ZSWIM6: variants seen among roughly 807,000 people sequenced by gnomAD.
ZSWIM6 encodes zinc finger SWIM-type containing 6, also known as zinc finger SWIM domain-containing protein 6.
Under a neutral mutation model 113.2 loss-of-function variants are expected in ZSWIM6, and 9 were observed. The observed-to-expected ratio is 0.08, with a 90% CI of 0.05 to 0.14. The LOEUF (loss-of-function observed/expected upper bound fraction) is 0.14. ZSWIM6 is among the 10% of genes least tolerant of loss of function. ZSWIM6 has a pLI of 1.00. For synonymous variants in ZSWIM6, 611 were observed against 606.5 expected, an observed-to-expected ratio of 1.01 and a Z score of -0.11; for missense variants, 1,162 against 1,552.2, an observed-to-expected ratio of 0.75 and a Z score of 4.22.
At chr5:61,361,705 C>A (rs946832989) in intron 1 of ZSWIM6, among the ~76,000 whole-genome samples, 20 of 152,264 alleles carry the variant, frequency 1.3e-4, no homozygotes, top group African/African-American at 4.6e-4. Flanking sequence ...TGGCTTGTAA[C>A]GACAGGGGCT....
intron 1 of ZSWIM6, among the ~76,000 whole-genome samples, chr5:61,346,757 T>G (rs376682826): frequency 3.2e-4 from 48 of 152,330 alleles, no homozygotes; most frequent in African/African-American, 1.1e-3. Flanking sequence ...TGGATCTCCC[T>G]TAGCAACTTA....
At chr5:61,515,418 A>AG (rs1039972596) in intron 4 of ZSWIM6, among the ~76,000 whole-genome samples, 3 of 152,152 alleles carry the variant, frequency 2.0e-5, no homozygotes, top group African/African-American at 7.2e-5. Context: ...TACAGGCGTG[A>AG]GCCACTGCCT....
chr5:61,400,295 A>G (rs1745920361), intron 1 of ZSWIM6, among the ~76,000 whole-genome samples: 1 of 152,158 alleles, frequency 6.6e-6, no homozygotes, highest in Non-Finnish European at 1.5e-5. Context: ...TTATGCTGCA[A>G]AAGCTCTGTC....
chr5:61,491,550 A>G (rs1231524561), intron 3 of ZSWIM6, among the ~76,000 whole-genome samples: 1 of 152,108 alleles, frequency 6.6e-6, no homozygotes, highest in Admixed American at 6.6e-5. Context: ...TTAAAAATTG[A>G]TGGCTCAATA....
At position 61,435,272 on chromosome 5, in the gene ZSWIM6, G is replaced by A. The variant is rs577268728; in HGVS notation, c.677-37409G>A. 1.0e-3 allele frequency among the ~76,000 whole-genome samples: 155 copies of A among 152,260 alleles called. 1 individual carries two copies. The highest frequency in any genetic ancestry group is 3.6e-3 in the African/African-American group (149 of 41,558). On this transcript the variant is annotated intron_variant, in intron 1 of 13. Coordinates refer to ENST00000252744, the MANE Select transcript of ZSWIM6 (RefSeq NM_020928.2). ...ATGATATTTGTTTTTCCCTTGAAGA[G>A]TTTTCATTTAGCCAAATGGATTGAT...
At chr5:61,388,135 A>G (rs1745628372) in intron 1 of ZSWIM6, among the ~76,000 whole-genome samples, 1 of 151,562 alleles carries the variant, frequency 6.6e-6, no homozygotes, top group Non-Finnish European at 1.5e-5. Flanking sequence ...GACACCCACC[A>G]TGATGCCCAG....
At chr5:61,496,780 A>G (rs890435977) in intron 4 of ZSWIM6, among the ~76,000 whole-genome samples, 4 of 152,186 alleles carry the variant, frequency 2.6e-5, no homozygotes, top group Non-Finnish European at 4.4e-5. Context: ...TGGGGATTAC[A>G]TTTAAACTAA....
chr5:61,398,912 G>GTTTTTTTTT, intron 1 of ZSWIM6, among the ~76,000 whole-genome samples: 1 of 61,784 alleles, frequency 1.6e-5, no homozygotes, highest in South Asian at 7.4e-4. Context: ...GTGTATAGTT[G>GTTTTTTTTT]TTTTTTTTTT....
chr5:61,536,247 C>A (rs1180043144), intron 10 of ZSWIM6, among the ~76,000 whole-genome samples: 1 of 152,200 alleles, frequency 6.6e-6, no homozygotes, highest in Non-Finnish European at 1.5e-5. Context: ...TCTCTACCAC[C>A]CACCTTTTTA....
intron 1 of ZSWIM6, among the ~76,000 whole-genome samples, chr5:61,356,818 TAAA>T (rs1031947990): frequency 2.1e-5 from 3 of 142,886 alleles, no homozygotes; most frequent in African/African-American, 5.1e-5. Flanking sequence ...AATTGATAAA[TAAA>T]AAATATATAT....
intron 1 of ZSWIM6, among the ~76,000 whole-genome samples, chr5:61,333,393 C>T (rs2112015468): frequency 6.6e-6 from 1 of 152,012 alleles, no homozygotes; most frequent in East Asian, 2.0e-4. Context: ...CGCGGCCCGG[C>T]CGCTCGGCGC....
intron 1 of ZSWIM6, among the ~76,000 whole-genome samples, chr5:61,369,548 G>A (rs1460906965): frequency 1.3e-5 from 2 of 152,130 alleles, no homozygotes; most frequent in African/African-American, 4.8e-5. Context: ...TTTTGGTTTG[G>A]TGCTTTGGGT....
At chr5:61,432,059 A>T (rs1746595764) in intron 1 of ZSWIM6, among the ~76,000 whole-genome samples, 1 of 152,236 alleles carries the variant, frequency 6.6e-6, no homozygotes, top group African/African-American at 2.4e-5. Flanking sequence ...TGTTAATTTG[A>T]TGCTTTGAGG....
At chr5:61,538,496 C>T (rs190334703) in intron 10 of ZSWIM6, among the ~76,000 whole-genome samples, 19 of 152,108 alleles carry the variant, frequency 1.2e-4, no homozygotes, top group African/African-American at 2.9e-4. Flanking sequence ...AAAAGTTCTT[C>T]GGTGTTTGCG....
At chr5:61,410,375 T>C (rs1176288055) in intron 1 of ZSWIM6, among the ~76,000 whole-genome samples, 1 of 150,498 alleles carries the variant, frequency 6.6e-6, no homozygotes, top group Non-Finnish European at 1.5e-5. Flanking sequence ...AGTGGTGCGA[T>C]CTCGGCTCAC....
intron 1 of ZSWIM6, among the ~76,000 whole-genome samples, chr5:61,454,567 G>GTT (rs35249460): frequency 2.2e-4 from 28 of 128,226 alleles, no homozygotes; most frequent in Admixed American, 4.1e-4. Flanking sequence ...CTATCCCTAA[G>GTT]TTTTTTTTTT....
intron 12 of ZSWIM6, among the ~76,000 whole-genome samples, chr5:61,540,916 G>GTTTTTTTTTT (rs34749703): frequency 7.4e-5 from 7 of 94,534 alleles, no homozygotes; most frequent in Admixed American, 2.3e-4. Context: ...TATTTTGTGG[G>GTTTTTTTTTT]TTTTTTTTTT....
intron 1 of ZSWIM6, among the ~76,000 whole-genome samples, chr5:61,362,481 A>T (rs144277297): frequency 4.6e-5 from 7 of 152,272 alleles, no homozygotes; most frequent in Non-Finnish European, 1.0e-4. Context: ...TACAAGTGTG[A>T]GCCACTGTGC....
At chr5:61,400,527 A>G (rs1012418824) in intron 1 of ZSWIM6, among the ~76,000 whole-genome samples, 1 of 152,238 alleles carries the variant, frequency 6.6e-6, no homozygotes, top group Non-Finnish European at 1.5e-5. Flanking sequence ...TTTCTTTTAT[A>G]GACAGCATCT....
Sources: gnomAD v4.1 joint callset for allele counts (sites outside exome capture counted in the v4.1 genomes callset) on GRCh38, gnomAD v4.1.1 for gene constraint, MANE v1.5 for transcripts, NCBI Gene and HGNC (gene_info 2026-07-23, HGNC 2026-07-21) for gene names.